Variants in CNTN4 observed in about 807,000 individuals in gnomAD.
The protein encoded by CNTN4 is contactin-4.
In CNTN4, 77 loss-of-function variants were observed where a neutral mutation model predicts 122.5. The observed-to-expected ratio is 0.63, with a 90% CI of 0.52 to 0.76. CNTN4 has a LOEUF of 0.76. Ranked by LOEUF, CNTN4 falls within the 30% of genes least tolerant of loss-of-function variation. The pLI is 0.00. For synonymous variants in CNTN4, 512 were observed against 447.0 expected (o/e 1.15, Z -1.83); for missense variants, 1,256 against 1,259.1 (o/e 1.00, Z 0.04).
intron 13 of CNTN4, among the ~76,000 whole-genome samples, chr3:2,954,173 C>T (rs1000145579): frequency 6.6e-6 from 1 of 152,178 alleles, no homozygotes; most frequent in African/African-American, 2.4e-5. Context: ...GAAACCTTAT[C>T]TTGATTGCCT....
At chr3:2,912,162 A>C (rs2094307714) in intron 12 of CNTN4, among the ~76,000 whole-genome samples, 1 of 152,196 alleles carries the variant, frequency 6.6e-6, no homozygotes, top group Non-Finnish European at 1.5e-5. Flanking sequence ...AAAGTCAGAG[A>C]CCAAAAGAAA....
In CNTN4 at chr3:2,182,306, A is replaced by G. The variant is rs150125967; in HGVS notation, c.-145+81667A>G. On this transcript the variant is annotated intron_variant, in intron 2 of 24. Transcript: ENST00000418658. Reference sequence around the variant, plus strand: ...ACACACACCCCACACACATATACACATATATATCTATCCTTGGATATCCAA... The same window carrying G: ...ACACACACCCCACACACATATACACGTATATATCTATCCTTGGATATCCAA... 3.0e-4 allele frequency among the ~76,000 whole-genome samples: 45 copies of G among 152,098 alleles called. 1 individual carries two copies. In the East Asian group the frequency reaches 7.3e-3, roughly 25 times the overall value.
At chr3:2,876,776 GTTC>G (rs1367964367) in intron 8 of CNTN4, among the ~76,000 whole-genome samples, 1 of 152,194 alleles carries the variant, frequency 6.6e-6, no homozygotes, top group Non-Finnish European at 1.5e-5. Context: ...GTTGCCACAA[GTTC>G]TTCTACAGAG....
At position 2,114,794 on chromosome 3, in the gene CNTN4, G is replaced by A. The variant is rs372817276; in HGVS notation, c.-145+14155G>A. ...AGCCACTGCAAGATTTATATGACAA[G>A]GTATACAGTGCTGATCTGCTGACCA... is the stretch of plus-strand genomic sequence containing the variant. On this transcript the variant is annotated intron_variant, in intron 2 of 24. Coordinates refer to ENST00000418658, the MANE Select transcript of CNTN4 (RefSeq NM_175607.3). Among the ~76,000 whole-genome samples the A allele has an allele frequency of 3.6e-4, 55 of 152,258 alleles. No individual in the cohort carries two copies. In the South Asian group the frequency reaches 0.011, roughly 31 times the overall value.
chr3:2,787,479 A>G (rs1449542967), intron 6 of CNTN4, among the ~76,000 whole-genome samples: 1 of 152,184 alleles, frequency 6.6e-6, no homozygotes, highest in Non-Finnish European at 1.5e-5. Context: ...TGATCATTAC[A>G]TACCGGAATT....
intron 3 of CNTN4, among the ~76,000 whole-genome samples, chr3:2,562,559 T>C (rs1407091075): frequency 6.6e-6 from 1 of 152,174 alleles, no homozygotes; most frequent in African/African-American, 2.4e-5. Context: ...AGAACATCAT[T>C]TCATTCATTT....
At chr3:2,984,484 G>A (rs1694367763) in intron 13 of CNTN4, among the ~76,000 whole-genome samples, 1 of 152,150 alleles carries the variant, frequency 6.6e-6, no homozygotes, top group South Asian at 2.1e-4. Context: ...ATCCCCCCCA[G>A]GACAAAGAAT....
intron 2 of CNTN4, among the ~76,000 whole-genome samples, chr3:2,166,998 AATC>A (rs1406709312): frequency 2.0e-5 from 3 of 152,202 alleles, no homozygotes; most frequent in African/African-American, 7.2e-5. Flanking sequence ...TGATAGTAGT[AATC>A]ATTTCACTAT....
chr3:2,442,015 T>C (rs2048460251), intron 3 of CNTN4, among the ~76,000 whole-genome samples: 1 of 152,200 alleles, frequency 6.6e-6, no homozygotes, highest in Non-Finnish European at 1.5e-5. Flanking sequence ...GTAACTAATA[T>C]TCTATAACTA....
At chr3:2,621,943 G>T (rs1178709704) in intron 4 of CNTN4, among the ~76,000 whole-genome samples, 1 of 152,154 alleles carries the variant, frequency 6.6e-6, no homozygotes, top group Non-Finnish European at 1.5e-5. Context: ...CTGTCATGCT[G>T]CTTCTTGATA....
chr3:2,263,642 T>A (rs2040925972), intron 2 of CNTN4, among the ~76,000 whole-genome samples: 1 of 152,084 alleles, frequency 6.6e-6, no homozygotes, highest in African/African-American at 2.4e-5. Flanking sequence ...ATACTGCAAA[T>A]CTTCTCTTCT....
chr3:2,357,145 A>G (rs143386660), intron 3 of CNTN4, among the ~76,000 whole-genome samples: 1 of 152,292 alleles, frequency 6.6e-6, no homozygotes, highest in Non-Finnish European at 1.5e-5. Context: ...TTGCATTTCT[A>G]ACCAAGACCT....
At chr3:2,411,544 A>G (rs748305983) in intron 3 of CNTN4, among the ~76,000 whole-genome samples, 12 of 151,968 alleles carry the variant, frequency 7.9e-5, no homozygotes, top group Non-Finnish European at 1.6e-4. Context: ...AGTTTTTTGG[A>G]ATGTCTTTTC....
intron 2 of CNTN4, among the ~76,000 whole-genome samples, chr3:2,296,415 A>G (rs1273503505): frequency 7.2e-5 from 11 of 152,150 alleles, no homozygotes; most frequent in African/African-American, 2.4e-4. Context: ...TTGGATTCCT[A>G]GGTATTTTAT....
intron 16 of CNTN4, 150 bp downstream of exon 16, chr3:3,031,125 G>T (rs1334400590): frequency 1.9e-6 from 2 of 1,039,262 alleles, no homozygotes; most frequent in African/African-American, 1.6e-5. Context: ...GTCCACAGAA[G>T]TTTCTGGTTC....
intron 2 of CNTN4, among the ~76,000 whole-genome samples, chr3:2,263,141 C>G (rs1317105954): frequency 6.6e-6 from 1 of 152,006 alleles, no homozygotes; most frequent in Non-Finnish European, 1.5e-5. Flanking sequence ...TTTATGTCCT[C>G]TAAGAAGAGA....
At chr3:2,314,355 A>T (rs1435490328) in intron 2 of CNTN4, among the ~76,000 whole-genome samples, 2 of 152,076 alleles carry the variant, frequency 1.3e-5, no homozygotes, top group East Asian at 1.9e-4. Flanking sequence ...AACTAAAAAA[A>T]TTTTTTAATG....
At chr3:2,198,052 T>G (rs1393769857) in intron 2 of CNTN4, among the ~76,000 whole-genome samples, 1 of 148,302 alleles carries the variant, frequency 6.7e-6, no homozygotes, top group Admixed American at 6.6e-5. Flanking sequence ...AGGAGAGAAT[T>G]TTGGCAATGT....
chr3:2,829,993 A>G (rs1325101826), intron 7 of CNTN4, among the ~76,000 whole-genome samples: 1 of 152,234 alleles, frequency 6.6e-6, no homozygotes, highest in Non-Finnish European at 1.5e-5. Context: ...GCTACTTAAT[A>G]AATACCAGTT....
Sources: allele counts gnomAD v4.1 joint callset (sites outside exome capture counted in the v4.1 genomes callset), GRCh38; gene constraint gnomAD v4.1.1; transcripts MANE v1.5; gene names NCBI Gene and HGNC (gene_info 2026-07-23, HGNC 2026-07-21).